The following PXT1 variants were observed in gnomAD, a reference collection of about 807,000 sequenced individuals.
The protein encoded by PXT1 is peroxisomal testis-specific protein 1.
PXT1 carries 11 observed loss-of-function variants against 11.0 expected under a neutral mutation model. The ratio of observed to expected loss-of-function variants is 1.00; its 90% CI spans 0.63 to 1.66. The LOEUF is 1.66. Among genes scored for constraint, PXT1 ranks in the 40% most tolerant of loss-of-function variants. The pLI is 0.00. For synonymous variants in PXT1, 43 were observed against 51.4 expected (o/e 0.84, Z 0.70); for missense variants, 141 against 155.5 (o/e 0.91, Z 0.49).
chr6:36,425,970 G>A lies in PXT1; in HGVS notation c.113C>T (p.Ala38Val). 6.5e-7 allele frequency: 1 copy of A among 1,535,496 alleles called. No homozygotes were observed. The highest frequency in any genetic ancestry group is 1.2e-5 in the South Asian group (1 of 83,636). Reference protein sequence around the residue: ...SLWLKYSFQKAYMTQLVSSQP... With the variant: ...SLWLKYSFQKVYMTQLVSSQP... ...GGAGCTGACAAGTTGGGTCATGTAT[G>A]CCTTCTGAAAACTGTATTTTAACCA... Residue 38 changes from alanine (A) to valine (V), a missense_variant, in exon 3 of 5, where the codon GCA (alanine) becomes GTA (valine). Ala to Val is a moderately conservative substitution (Grantham distance 64). Coordinates refer to ENST00000454782, the MANE Select transcript of PXT1 (RefSeq NM_152990.4).
In PXT1 at chr6:36,408,136, A is replaced by C. The variant is rs146057839; in HGVS notation, c.170-7552T>G. 4.8e-3 allele frequency among the ~76,000 whole-genome samples: 717 copies of C among 149,766 alleles called. 2 individuals carry two copies. The highest frequency in any genetic ancestry group is 6.8e-3 in the Non-Finnish European group (457 of 67,424). ...GCCACCACACCCGGCTAATTTTTGT[A>C]TTTTTAGTAGAAATAGGGTTTCACT... On this transcript the variant is annotated intron_variant, in intron 3 of 4. Transcript: ENST00000454782.
chr6:36,435,796 C>T (rs80330371), intron 2 of PXT1, among the ~76,000 whole-genome samples: 2,084 of 152,176 alleles, frequency 0.014, 45 homozygotes, highest in African/African-American at 0.045. Flanking sequence ...GACAGCAGAG[C>T]TTTCAAAATC....
At chr6:36,399,737 C>T (rs923049837) in intron 4 of PXT1, among the ~76,000 whole-genome samples, 4 of 152,122 alleles carry the variant, frequency 2.6e-5, no homozygotes, top group Non-Finnish European at 4.4e-5. Flanking sequence ...CAGGTTGTTT[C>T]GGAGGAAAAC....
In PXT1 at chr6:36,399,130, T is replaced by TCA. The variant is rs1245900403; in HGVS notation, c.300+1323_300+1324insTG. Among the ~76,000 whole-genome samples, 499 of 139,180 alleles carry TCA rather than the reference T, an allele frequency of 3.6e-3. 2 individuals carry two copies. The highest frequency in any genetic ancestry group is 0.012 in the African/African-American group (472 of 40,542). 91.3% of individuals were successfully genotyped at this position (139,180 alleles called of 152,430 possible). A position where few individuals can be genotyped will look rare whatever the true frequency, so the allele number is the denominator to read the frequency against. On this transcript the variant is annotated intron_variant, in intron 4 of 4. Transcript: ENST00000454782. ...CTCTCTTGCTTTATTTTATTTTATT[T>TCA]TATTTCATTTCATTTCATTTCATTT...
In PXT1 at chr6:36,439,965, G is replaced by A. The variant is rs887220626; in HGVS notation, c.-129-1079C>T. Among the ~76,000 whole-genome samples the A allele has an allele frequency of 2.0e-5, 3 of 152,130 alleles. No homozygotes were observed. In the South Asian group the frequency reaches 6.2e-4, roughly 32 times the overall value. ...ATTAAAAAATTAGCTTGGGGTGGTG[G>A]CCTGCACCTGTAGTCCTAGCTACTC... On this transcript the variant is annotated intron_variant, in intron 1 of 4. Coordinates refer to ENST00000454782, the MANE Select transcript of PXT1 (RefSeq NM_152990.4).
chr6:36,421,411 T>C (rs1037654550), intron 3 of PXT1, among the ~76,000 whole-genome samples: 1 of 151,828 alleles, frequency 6.6e-6, no homozygotes, highest in East Asian at 1.9e-4. Flanking sequence ...CCATGAGCTA[T>C]GATCGCGCCA....
At chr6:36,415,360 C>T (rs768331965) in intron 3 of PXT1, among the ~76,000 whole-genome samples, 11 of 152,140 alleles carry the variant, frequency 7.2e-5, no homozygotes, top group Non-Finnish European at 1.2e-4. Context: ...AGAAGAATTA[C>T]TTGAACCTGG....
At chr6:36,399,489 T>C (rs1393221791) in intron 4 of PXT1, among the ~76,000 whole-genome samples, 1 of 152,194 alleles carries the variant, frequency 6.6e-6, no homozygotes, top group Non-Finnish European at 1.5e-5. Context: ...CTCCCATTCA[T>C]GTTTTGTCTC....
intron 3 of PXT1, among the ~76,000 whole-genome samples, chr6:36,413,878 A>G (rs917928156): frequency 1.3e-5 from 2 of 152,240 alleles, no homozygotes; most frequent in Non-Finnish European, 2.9e-5. Context: ...ATGAGCCTAT[A>G]GTCCTTGATA....
At chr6:36,424,784 T>G (rs1011587226) in intron 3 of PXT1, among the ~76,000 whole-genome samples, 1 of 151,952 alleles carries the variant, frequency 6.6e-6, no homozygotes, top group African/African-American at 2.4e-5. Context: ...GCGGATGACT[T>G]GAGGTCAGGA....
At chr6:36,396,505 T>C (rs895194235) in intron 4 of PXT1, among the ~76,000 whole-genome samples, 1 of 152,204 alleles carries the variant, frequency 6.6e-6, no homozygotes, top group African/African-American at 2.4e-5. Flanking sequence ...GGGTTGGGGC[T>C]GAGTCCCGCA....
rs145338661 is a variant in PXT1 at position 36,432,390 on chromosome 6, A to C, written c.-9-6299T>G. Among the ~76,000 whole-genome samples, 533 of 152,232 alleles carry C rather than the reference A, an allele frequency of 3.5e-3. 1 individual carries two copies. Among genetic ancestry groups the C allele is most frequent in the African/African-American group, 0.012 (507 of 41,524 alleles). The stretch of plus-strand genomic sequence containing the variant: ...TCCCCATGCCACTCTCAAAAATAAC[A>C]ATTGGGGGGAAATACACAGAAACAC... On this transcript the variant is annotated intron_variant, in intron 2 of 4. Transcript: ENST00000454782.
chr6:36,401,337 T>TA (rs1774210023), intron 3 of PXT1, among the ~76,000 whole-genome samples: 1 of 152,074 alleles, frequency 6.6e-6, no homozygotes, highest in Non-Finnish European at 1.5e-5. Flanking sequence ...GTTGACAGTT[T>TA]AAAACGTAGA....
At chr6:36,441,868 C>CTGAAA (rs5875548) in intron 1 of PXT1, among the ~76,000 whole-genome samples, 40,495 of 151,798 alleles carry the variant, frequency 0.27, 5,891 homozygotes, top group African/African-American at 0.39. Flanking sequence ...GTGAAACCTA[C>CTGAAA]TGAGTCAAAC....
chr6:36,396,495 G>A (rs1273914466), intron 4 of PXT1, among the ~76,000 whole-genome samples: 20 of 152,226 alleles, frequency 1.3e-4, no homozygotes, highest in Admixed American at 1.2e-3. Context: ...CTCTGAGCAG[G>A]GGTTGGGGCT....
At chr6:36,414,405 C>T (rs1405793622) in intron 3 of PXT1, among the ~76,000 whole-genome samples, 1 of 151,952 alleles carries the variant, frequency 6.6e-6, no homozygotes, top group Non-Finnish European at 1.5e-5. Flanking sequence ...ATGAGAAAGT[C>T]CAGAAAACAA....
At chr6:36,440,361 G>A (rs1774836938) in intron 1 of PXT1, among the ~76,000 whole-genome samples, 1 of 152,156 alleles carries the variant, frequency 6.6e-6, no homozygotes, top group Non-Finnish European at 1.5e-5. Context: ...ACGAGGTCAG[G>A]AGATCGAGAC....
intron 3 of PXT1, among the ~76,000 whole-genome samples, chr6:36,409,434 C>T (rs539316246): frequency 3.9e-5 from 6 of 152,216 alleles, no homozygotes; most frequent in East Asian, 1.9e-4. Context: ...GAGAGGGAGA[C>T]GCACCCTTAA....
intron 2 of PXT1, among the ~76,000 whole-genome samples, chr6:36,433,213 C>A (rs1774717225): frequency 1.3e-5 from 2 of 151,892 alleles, no homozygotes; most frequent in Non-Finnish European, 2.9e-5. Context: ...AAAAATACTT[C>A]AAAGAAATTA....
Sources: allele counts gnomAD v4.1 joint callset (sites outside exome capture counted in the v4.1 genomes callset), GRCh38; gene constraint gnomAD v4.1.1; transcripts MANE v1.5; gene names NCBI Gene and HGNC (gene_info 2026-07-23, HGNC 2026-07-21).